Variants in ALDH9A1 observed in about 807,000 individuals in gnomAD.
ALDH9A1 encodes 4-trimethylaminobutyraldehyde dehydrogenase.
ALDH9A1 carries 42 observed loss-of-function variants against 56.6 expected under a neutral mutation model. The ratio of observed to expected loss-of-function variants is 0.74; its 90% CI spans 0.58 to 0.96. The LOEUF is 0.96. ALDH9A1 is among the 40% of genes least tolerant of loss of function. The pLI, the probability that ALDH9A1 is intolerant of heterozygous loss-of-function variation, is 0.00. For missense variants in ALDH9A1, 661 were observed against 651.5 expected (o/e 1.01, Z -0.16); for synonymous variants, 242 against 236.0 (o/e 1.03, Z -0.23).
chr1:165,672,972 AACACACACACACACAC>A (rs67363579), intron 6 of ALDH9A1, among the ~76,000 whole-genome samples: 24 of 124,262 alleles, frequency 1.9e-4, no homozygotes, highest in Admixed American at 4.9e-4. Context: ...AAAAAATACA[AACACACACACACACAC>A]ACACACACAC....
At chr1:165,676,714 TC>T in intron 6 of ALDH9A1, 1 of 491,018 alleles carries the variant, frequency 2.0e-6, no homozygotes, top group Non-Finnish European at 4.0e-6. Context: ...ACCCAGGGAA[TC>T]CCACTGTGTG....
intron 1 of ALDH9A1, among the ~76,000 whole-genome samples, chr1:165,697,040 C>G (rs539152044): frequency 6.6e-5 from 10 of 152,316 alleles, no homozygotes; most frequent in African/African-American, 2.2e-4. Context: ...GCTCTGGCTA[C>G]ATTTTACACA....
At chr1:165,693,429 A>G (rs1411629118) in intron 2 of ALDH9A1, among the ~76,000 whole-genome samples, 1 of 152,160 alleles carries the variant, frequency 6.6e-6, no homozygotes, top group Non-Finnish European at 1.5e-5. Context: ...CTTCTCAAAA[A>G]AAGACATTTA....
At chr1:165,698,111 T>C (rs1181809051) in intron 1 of ALDH9A1, 1 of 779,576 alleles carries the variant, frequency 1.3e-6, no homozygotes, top group Non-Finnish European at 1.8e-6. Context: ...CACCAGTACT[T>C]TGCGAACTCT....
chr1:165,696,249 A>T (rs148832174), intron 1 of ALDH9A1, among the ~76,000 whole-genome samples: 1 of 152,292 alleles, frequency 6.6e-6, no homozygotes, highest in East Asian at 1.9e-4. Flanking sequence ...ATATAACAGA[A>T]TTACAGGAAT....
intron 8 of ALDH9A1, 43 bp from the exon 9 acceptor site, chr1:165,667,493 A>G (rs1473095764): frequency 1.9e-6 from 3 of 1,604,536 alleles, no homozygotes; most frequent in Non-Finnish European, 2.6e-6. Flanking sequence ...CTGGGACCAC[A>G]GTGTGCACCA....
Position 165,667,307 on chromosome 1 carries a change from A to T in ALDH9A1, c.1349+2T>A. Reference sequence around the variant, plus strand: ...CTGCTCTCAGTGTCCCACTCCACATACCTGGTAAAGACGCCAGCTGCTAGT... The same window carrying T: ...CTGCTCTCAGTGTCCCACTCCACATTCCTGGTAAAGACGCCAGCTGCTAGT... On this transcript the variant is annotated splice_donor_variant, in intron 9 of 10. Transcript: ENST00000354775. LOFTEE classifies it high-confidence loss of function. The T allele has an allele frequency of 6.2e-7, 1 of 1,614,006 alleles. No individual in the cohort carries two copies. Among genetic ancestry groups the T allele is most frequent in the Non-Finnish European group, 8.5e-7 (1 of 1,179,940 alleles).
At chr1:165,679,244 TAAAG>T (rs1217787591) in intron 6 of ALDH9A1, among the ~76,000 whole-genome samples, 194 bp downstream of exon 6, 3 of 152,340 alleles carry the variant, frequency 2.0e-5, no homozygotes, top group African/African-American at 4.8e-5. Context: ...TACAGGCAGA[TAAAG>T]AAGATGATAA....
chr1:165,693,372 AAAAC>A (rs1189696355), intron 2 of ALDH9A1, among the ~76,000 whole-genome samples: 1 of 152,216 alleles, frequency 6.6e-6, no homozygotes, highest in African/African-American at 2.4e-5. Context: ...TTTACAAGAA[AAAAC>A]AAACAACCCC....
At chr1:165,671,506 C>T in intron 6 of ALDH9A1, 1 of 458,906 alleles carries the variant, frequency 2.2e-6, no homozygotes, top group East Asian at 6.1e-5. Context: ...ATTCTTAAGT[C>T]TAAGGGACCG....
At chr1:165,688,215 G>A (rs1002600578) in intron 2 of ALDH9A1, among the ~76,000 whole-genome samples, 8 of 152,148 alleles carry the variant, frequency 5.3e-5, no homozygotes, top group East Asian at 1.9e-4. Context: ...TACTCAGGAC[G>A]CTGAGGTGGG....
intron 6 of ALDH9A1, among the ~76,000 whole-genome samples, chr1:165,674,863 C>T (rs184366882): frequency 6.6e-6 from 1 of 152,024 alleles, no homozygotes; most frequent in South Asian, 2.1e-4. Flanking sequence ...GCCAGATGAA[C>T]GGATAAATTG....
chr1:165,674,682 A>T lies in ALDH9A1; in HGVS notation c.930+4760T>A, dbSNP rs546339530. ...GCCTGGGCAACTAAGTGAGACTCCG[A>T]ATCAAAAAAAAAAAAAAAAAAAATT... On this transcript the variant is annotated intron_variant, in intron 6 of 10. Transcript: ENST00000354775. Among the ~76,000 whole-genome samples the T allele has an allele frequency of 1.0e-3, 117 of 114,420 alleles. 1 individual carries two copies. Among genetic ancestry groups the T allele is most frequent in the African/African-American group, 3.6e-3 (115 of 31,752 alleles). 75.1% of individuals were successfully genotyped at this position (114,420 alleles called of 152,430 possible).
At chr1:165,688,538 C>T (rs1324193588) in intron 2 of ALDH9A1, among the ~76,000 whole-genome samples, 4 of 151,982 alleles carry the variant, frequency 2.6e-5, no homozygotes, top group Middle Eastern at 3.4e-3. Context: ...GGAAACATGG[C>T]GTAACCCCAT....
chr1:165,665,843 T>C (rs1275200297), intron 9 of ALDH9A1, among the ~76,000 whole-genome samples: 1 of 151,904 alleles, frequency 6.6e-6, no homozygotes, highest in Non-Finnish European at 1.5e-5. Flanking sequence ...TTTGGAAGAG[T>C]TTAGCAGTTC....
chr1:165,690,786 G>A (rs1185387092), intron 2 of ALDH9A1, among the ~76,000 whole-genome samples: 7 of 152,226 alleles, frequency 4.6e-5, no homozygotes, highest in Non-Finnish European at 8.8e-5. Flanking sequence ...AGATGGAACT[G>A]CGAAGGTGGC....
intron 10 of ALDH9A1, 51 bp downstream of exon 10, chr1:165,664,967 A>G: frequency 7.1e-7 from 1 of 1,399,088 alleles, no homozygotes; most frequent in Non-Finnish European, 1.0e-6. Flanking sequence ...GGTCTGAATT[A>G]CGACCTAGCT....
chr1:165,693,630 G>T (rs1571186433), intron 2 of ALDH9A1, among the ~76,000 whole-genome samples: 2 of 152,302 alleles, frequency 1.3e-5, no homozygotes, highest in African/African-American at 4.8e-5. Flanking sequence ...CTGTAAACTA[G>T]TTCAACCATT....
chr1:165,664,257 C>T (rs1213304747), intron 10 of ALDH9A1, among the ~76,000 whole-genome samples: 2 of 152,096 alleles, frequency 1.3e-5, no homozygotes, highest in African/African-American at 4.8e-5. Flanking sequence ...AGGTCAGACT[C>T]TTAGAATGGT....
Sources: gnomAD v4.1 joint callset for allele counts (sites outside exome capture counted in the v4.1 genomes callset) on GRCh38, gnomAD v4.1.1 for gene constraint, MANE v1.5 for transcripts, NCBI Gene and HGNC (gene_info 2026-07-23, HGNC 2026-07-21) for gene names.